Variants in DLG2 observed in about 807,000 individuals in gnomAD.
DLG2 encodes the protein discs large MAGUK scaffold protein 2.
Under a neutral mutation model 132.5 loss-of-function variants are expected in DLG2, and 45 were observed. The observed-to-expected ratio is 0.34, with a 90% CI of 0.27 to 0.44. The LOEUF is 0.44. Ranked by LOEUF, DLG2 falls within the 20% of genes least tolerant of loss-of-function variation. The probability of loss-of-function intolerance (pLI) is 1.00; values close to 1 mark genes in which losing one functional copy is unlikely to be tolerated. For missense variants in DLG2, 1,045 were observed against 1,196.9 expected (o/e 0.87, Z 1.87); for synonymous variants, 424 against 419.6 (o/e 1.01, Z -0.13).
chr11:83,835,635 A>G lies in DLG2; in HGVS notation c.1566-1865T>C, dbSNP rs117128434. Among the ~76,000 whole-genome samples, 733 of 152,286 alleles carry G rather than the reference A, an allele frequency of 4.8e-3. 1 individual carries two copies. Among genetic ancestry groups the G allele is most frequent in the Non-Finnish European group, 7.5e-3 (513 of 68,010 alleles). On this transcript the variant is annotated intron_variant, in intron 16 of 27. Transcript: ENST00000376104. Reference sequence around the variant, plus strand: ...AATGAAGTCACTGTTTTAGTTTTCTATTGCTGAATAACAAGTTACCACAAA... The same window carrying G: ...AATGAAGTCACTGTTTTAGTTTTCTGTTGCTGAATAACAAGTTACCACAAA...
chr11:83,636,567 G>A (rs2064907537), intron 18 of DLG2, among the ~76,000 whole-genome samples: 1 of 151,946 alleles, frequency 6.6e-6, no homozygotes, highest in South Asian at 2.1e-4. Context: ...AAATTCTTCT[G>A]TTATTTTTAT....
intron 6 of DLG2, among the ~76,000 whole-genome samples, chr11:84,895,799 G>C (rs184323619): frequency 1.1e-4 from 16 of 152,168 alleles, no homozygotes; most frequent in Admixed American, 8.5e-4. Context: ...GTTAAGAGCA[G>C]AGGTATGCAC....
intron 10 of DLG2, among the ~76,000 whole-genome samples, chr11:84,095,986 A>G (rs909786081): frequency 2.6e-5 from 4 of 152,228 alleles, no homozygotes; most frequent in African/African-American, 9.6e-5. Flanking sequence ...GGCTCAATAG[A>G]AAAACAGCAA....
rs2095785733 is a variant in DLG2 at position 83,532,693 on chromosome 11, T to C, written c.2193+15A>G. The C allele has an allele frequency of 1.9e-6, 3 of 1,611,328 alleles. No individual in the cohort carries two copies. The highest frequency in any genetic ancestry group is 1.7e-5 in the Admixed American group (1 of 59,872). ...CAACTGAGAGAACTTGATGTTTCCA[T>C]CATTTTGTACCTACCCCTTTCGAAT... is the stretch of plus-strand genomic sequence containing the variant. On this transcript the variant is annotated intron_variant, in intron 21 of 27. Transcript: ENST00000376104.
intron 6 of DLG2, among the ~76,000 whole-genome samples, chr11:84,635,337 C>G (rs906083522): frequency 6.6e-6 from 1 of 152,132 alleles, no homozygotes; most frequent in Non-Finnish European, 1.5e-5. Context: ...ATGCCCATTA[C>G]CACTCTTGGC....
chr11:84,622,409 A>G (rs1297349631), intron 6 of DLG2, among the ~76,000 whole-genome samples: 1 of 152,180 alleles, frequency 6.6e-6, no homozygotes, highest in Non-Finnish European at 1.5e-5. Flanking sequence ...GAGTGTAATC[A>G]GACCAACTAC....
intron 9 of DLG2, among the ~76,000 whole-genome samples, chr11:84,135,793 A>G (rs1469255491): frequency 6.6e-6 from 1 of 152,142 alleles, no homozygotes; most frequent in Admixed American, 6.6e-5. Context: ...TCTAAAAGTC[A>G]GTGGGAGCAT....
chr11:84,867,753 A>C (rs188047510), intron 6 of DLG2, among the ~76,000 whole-genome samples: 6 of 152,280 alleles, frequency 3.9e-5, no homozygotes, highest in African/African-American at 1.4e-4. Flanking sequence ...TACCAGAGTA[A>C]ACACAAAATT....
At chr11:84,970,344 C>T (rs2053922418) in intron 6 of DLG2, among the ~76,000 whole-genome samples, 1 of 152,124 alleles carries the variant, frequency 6.6e-6, no homozygotes, top group Non-Finnish European at 1.5e-5. Context: ...ACTGATACAT[C>T]TACAGATGCT....
chr11:84,330,531 T>C (rs2098453618), intron 7 of DLG2, among the ~76,000 whole-genome samples: 1 of 152,210 alleles, frequency 6.6e-6, no homozygotes, highest in Non-Finnish European at 1.5e-5. Context: ...TTAAGGTCCA[T>C]ATAACATTGG....
intron 9 of DLG2, among the ~76,000 whole-genome samples, chr11:84,106,321 C>T (rs1303697481): frequency 6.6e-6 from 1 of 152,140 alleles, no homozygotes; most frequent in African/African-American, 2.4e-5. Flanking sequence ...AAGTCTTTCT[C>T]ACATCCACTT....
intron 9 of DLG2, among the ~76,000 whole-genome samples, chr11:84,137,994 A>G (rs1293674913): frequency 6.6e-6 from 1 of 152,200 alleles, no homozygotes; most frequent in Admixed American, 6.6e-5. Flanking sequence ...AGTGAAAATT[A>G]TAATACTATG....
intron 6 of DLG2, among the ~76,000 whole-genome samples, chr11:84,594,283 T>C (rs181026014): frequency 1.9e-4 from 29 of 152,304 alleles, no homozygotes; most frequent in South Asian, 4.1e-4. Context: ...CTCTTCTCCA[T>C]TGATGACCTC....
At chr11:85,346,810 A>C (rs1273815250) in intron 3 of DLG2, among the ~76,000 whole-genome samples, 1 of 152,080 alleles carries the variant, frequency 6.6e-6, no homozygotes, top group African/African-American at 2.4e-5. Flanking sequence ...GAAAGGGCAA[A>C]TAATGGTGAG....
chr11:85,270,000 T>C (rs968743319), intron 4 of DLG2, among the ~76,000 whole-genome samples: 1 of 152,346 alleles, frequency 6.6e-6, no homozygotes, highest in South Asian at 2.1e-4. Flanking sequence ...AAGGGCCAGA[T>C]AAGTGTTAGC....
chr11:85,135,459 C>G (rs536225717), intron 5 of DLG2, among the ~76,000 whole-genome samples: 7 of 152,278 alleles, frequency 4.6e-5, no homozygotes, highest in Non-Finnish European at 7.4e-5. Context: ...ATGATACCTT[C>G]GGAACTTCAT....
chr11:83,619,502 A>T (rs559240884), intron 19 of DLG2, among the ~76,000 whole-genome samples: 2 of 152,196 alleles, frequency 1.3e-5, no homozygotes, highest in Non-Finnish European at 2.9e-5. Context: ...TGATAACTTC[A>T]GCTATCTAAC....
At chr11:84,256,202 G>C (rs563931346) in intron 7 of DLG2, among the ~76,000 whole-genome samples, 3 of 151,948 alleles carry the variant, frequency 2.0e-5, no homozygotes, top group East Asian at 1.9e-4. Context: ...CTTTACAAAG[G>C]AGTTCATTGA....
chr11:83,966,563 C>A (rs576685641), intron 12 of DLG2, among the ~76,000 whole-genome samples: 99 of 151,964 alleles, frequency 6.5e-4, no homozygotes, highest in Non-Finnish European at 1.3e-3. Flanking sequence ...TTAGAATAAA[C>A]GTTAATTCAG....
Sources: gnomAD v4.1 joint callset for allele counts (sites outside exome capture counted in the v4.1 genomes callset) on GRCh38, gnomAD v4.1.1 for gene constraint, MANE v1.5 for transcripts, NCBI Gene and HGNC (gene_info 2026-07-23, HGNC 2026-07-21) for gene names.